The following CD200 variants were observed in gnomAD, a reference collection of about 807,000 sequenced individuals.
The protein encoded by CD200 is OX-2 membrane glycoprotein.
Under a neutral mutation model 30.9 loss-of-function variants are expected in CD200, and 15 were observed. The observed-to-expected ratio is 0.49, with a 90% confidence interval of 0.32 to 0.75. The LOEUF is 0.75. Among genes scored for constraint, CD200 ranks in the 30% least tolerant of loss-of-function variants. The probability of loss-of-function intolerance (pLI) is 0.03; values close to 1 mark genes in which losing one functional copy is unlikely to be tolerated. For missense variants in CD200, 262 were observed against 324.2 expected, an observed-to-expected ratio of 0.81 and a Z score of 1.47; for synonymous variants, 134 against 126.2, an observed-to-expected ratio of 1.06 and a Z score of -0.41.
chr3:112,333,904 CAA>C (rs1254364067), intron 1 of CD200: 1 of 985,108 alleles, frequency 1.0e-6, no homozygotes, highest in Non-Finnish European at 1.2e-6. Flanking sequence ...GCTTACAAGA[CAA>C]AAAACGGAGA....
At chr3:112,347,533 A>T in intron 3 of CD200, 25 bp from the exon 4 acceptor site, 1 of 1,610,892 alleles carries the variant, frequency 6.2e-7, no homozygotes, top group Non-Finnish European at 8.5e-7. Context: ...AACTGATAAC[A>T]GATCATATTT....
chr3:112,357,605 G>A (rs2081652295), intron 5 of CD200, among the ~76,000 whole-genome samples: 1 of 152,188 alleles, frequency 6.6e-6, no homozygotes, highest in African/African-American at 2.4e-5. Context: ...GGTAAATGGA[G>A]GGACAAACAG....
At chr3:112,338,994 GATA>G (rs1403536807) in intron 1 of CD200, among the ~76,000 whole-genome samples, 2 of 152,166 alleles carry the variant, frequency 1.3e-5, no homozygotes, top group African/African-American at 4.8e-5. Context: ...TGAAAATGAT[GATA>G]ATAATAGTGC....
In CD200 at chr3:112,349,773, A is replaced by G. The variant is rs1359248200; in HGVS notation, c.756A>G (p.Leu252=). 1.2e-6 allele frequency: 2 copies of G among 1,612,058 alleles called. No homozygotes were observed. Among genetic ancestry groups the G allele is most frequent in the Admixed American group, 1.7e-5 (1 of 59,762 alleles). ...SIVSLVILLV[L]ISILLYWKRH... ...TTTCCCTGGTAATTCTTCTCGTCCT[A>G]ATCTCAATCTTACTGTACTGGAAAC... Residue 252 remains leucine, a synonymous_variant, in exon 5 of 6, where the codon CTA becomes CTG. Transcript: ENST00000315711.
chr3:112,338,648 C>T (rs780990074), intron 1 of CD200, among the ~76,000 whole-genome samples: 2 of 152,078 alleles, frequency 1.3e-5, no homozygotes, highest in Admixed American at 6.6e-5. Flanking sequence ...GATTCCTTGG[C>T]TCTGTGGAAA....
In CD200 at chr3:112,334,320, G is replaced by A. The variant is rs1221438099; in HGVS notation, c.12+1096G>A. On this transcript the variant is annotated intron_variant, in intron 1 of 5. Coordinates refer to ENST00000315711, the MANE Select transcript of CD200 (RefSeq NM_005944.7). ...GCTGTCTGGTAAGACCCAGGTTTTT[G>A]TGAACCCTGGACTGCATGGCAAGGG... is the stretch of plus-strand genomic sequence containing the variant. 5.7e-6 allele frequency: 5 copies of A among 871,486 alleles called. No homozygotes were observed. In the East Asian group the frequency reaches 6.1e-4, roughly 106 times the overall value. 54.0% of individuals were successfully genotyped at this position (871,486 alleles called of 1,614,324 possible).
At chr3:112,349,641 C>A in intron 4 of CD200, 71 bp from the exon 5 acceptor site, 3 of 1,244,146 alleles carry the variant, frequency 2.4e-6, no homozygotes, top group South Asian at 1.7e-5. Flanking sequence ...TAACTAAAAG[C>A]TCAACTCTTT....
intron 2 of CD200, among the ~76,000 whole-genome samples, chr3:112,341,826 C>G (rs945958517): frequency 2.6e-5 from 4 of 152,176 alleles, no homozygotes; most frequent in Non-Finnish European, 5.9e-5. Flanking sequence ...GTAATTTCTT[C>G]AAATCTCTGG....
At chr3:112,360,813 A>G (rs139992057) in intron 5 of CD200, among the ~76,000 whole-genome samples, 2 of 152,220 alleles carry the variant, frequency 1.3e-5, no homozygotes, top group Non-Finnish European at 2.9e-5. Flanking sequence ...GAAAGCCACT[A>G]GCCCTTGGAA....
At chr3:112,345,415 C>A in intron 3 of CD200, 127 bp downstream of exon 3, 1 of 705,958 alleles carries the variant, frequency 1.4e-6, no homozygotes, top group Non-Finnish European at 2.4e-6. Flanking sequence ...GATAGCCTTT[C>A]TTGTCTACTA....
intron 1 of CD200, among the ~76,000 whole-genome samples, chr3:112,334,817 G>A (rs1438367558): frequency 6.6e-6 from 1 of 151,790 alleles, no homozygotes; most frequent in Admixed American, 6.6e-5. Context: ...GATTTCCTTT[G>A]CCTCAATCAC....
intron 5 of CD200, among the ~76,000 whole-genome samples, chr3:112,353,700 T>C (rs961272748): frequency 3.9e-5 from 6 of 152,188 alleles, no homozygotes; most frequent in Non-Finnish European, 8.8e-5. Context: ...TCACCCCTCC[T>C]GAAATAACAA....
rs72950292 is a variant in CD200 at position 112,336,092 on chromosome 3, T to C, written c.12+2868T>C. ...GCTAGAGGAAAAATGAAGCTTATTA[T>C]ATAAGATTAATGTTTGTGAAACACC... On this transcript the variant is annotated intron_variant, in intron 1 of 5. Transcript: ENST00000315711. 3.2e-4 allele frequency: 312 copies of C among 970,164 alleles called. 1 individual carries two copies. In the African/African-American group the frequency reaches 4.6e-3, roughly 14 times the overall value. The allele number at this position is 970,164 out of a possible 1,614,324, so 60.1% of individuals were successfully genotyped here.
intron 1 of CD200, chr3:112,335,779 C>CT: frequency 1.5e-6 from 1 of 653,648 alleles, no homozygotes. Flanking sequence ...AAGAAGAGCC[C>CT]TTTTCCAGCA....
chr3:112,360,463 C>T (rs2081719357), intron 5 of CD200, among the ~76,000 whole-genome samples: 1 of 152,056 alleles, frequency 6.6e-6, no homozygotes, highest in Non-Finnish European at 1.5e-5. Flanking sequence ...AAAATGCTTA[C>T]ACTCTATGAT....
At chr3:112,351,665 A>G (rs2081534299) in intron 5 of CD200, among the ~76,000 whole-genome samples, 1 of 146,296 alleles carries the variant, frequency 6.8e-6, no homozygotes, top group Non-Finnish European at 1.5e-5. Flanking sequence ...GGCCAATTGC[A>G]TTAATTCCTC....
At chr3:112,339,191 A>G (rs6779921) in intron 1 of CD200, among the ~76,000 whole-genome samples, 6,020 of 152,192 alleles carry the variant, frequency 0.04, 401 homozygotes, top group African/African-American at 0.14. Flanking sequence ...CCAGTACTTT[A>G]TTTTTGTCCT....
Position 112,358,477 on chromosome 3 carries a change from C to G in CD200, c.803-3066C>G, listed in dbSNP as rs796778564. ...ACTTGTGATGCCGAAAACTGATTTC[C>G]TGCTAGTGCAGTTGTATCTCTTTTT... On this transcript the variant is annotated intron_variant, in intron 5 of 5. Coordinates refer to ENST00000315711, the MANE Select transcript of CD200 (RefSeq NM_005944.7). Among the ~76,000 whole-genome samples, 128 of 143,678 alleles carry G rather than the reference C, an allele frequency of 8.9e-4. 1 individual carries two copies. The highest frequency in any genetic ancestry group is 3.1e-3 in the African/African-American group (123 of 40,090). 94.3% of individuals were successfully genotyped at this position (143,678 alleles called of 152,430 possible).
chr3:112,356,511 C>G (rs1293478525), intron 5 of CD200, among the ~76,000 whole-genome samples: 1 of 152,160 alleles, frequency 6.6e-6, no homozygotes, highest in Non-Finnish European at 1.5e-5. Context: ...AAAATCTACT[C>G]TGTCAGTAAT....
Sources: gnomAD v4.1 joint callset for allele counts (sites outside exome capture counted in the v4.1 genomes callset) on GRCh38, gnomAD v4.1.1 for gene constraint, MANE v1.5 for transcripts, NCBI Gene and HGNC (gene_info 2026-07-23, HGNC 2026-07-21) for gene names.